The following ERCC3 variants were observed in gnomAD, a reference collection of about 807,000 sequenced individuals.
ERCC3 encodes the protein general transcription and DNA repair factor IIH helicase/translocase subunit XPB.
ERCC3 carries 66 observed loss-of-function variants against 94.2 expected under a neutral mutation model. The ratio of observed to expected loss-of-function variants is 0.70; its 90% CI spans 0.57 to 0.86. ERCC3 has a LOEUF of 0.86. Ranked by LOEUF, ERCC3 falls within the 40% of genes least tolerant of loss-of-function variation. The pLI, the probability that ERCC3 is intolerant of heterozygous loss-of-function variation, is 0.00. For synonymous variants in ERCC3, 349 were observed against 369.1 expected (o/e 0.95, Z 0.63); for missense variants, 829 against 987.1 (o/e 0.84, Z 2.15).
rs764135576 is a variant in ERCC3 at position 127,289,713 on chromosome 2, T to C, written c.633A>G (p.Thr211=). 2.5e-6 allele frequency: 4 copies of C among 1,614,160 alleles called. No individual in the cohort carries two copies. Among genetic ancestry groups the C allele is most frequent in the East Asian group, 4.5e-5 (2 of 44,884 alleles). Residue 211 remains threonine (T), a synonymous_variant, in exon 5 of 15, where the codon ACA becomes ACG. Coordinates refer to ENST00000285398, the MANE Select transcript of ERCC3 (RefSeq NM_000122.2). ...CGGCAGATTTGCTTGTGAAAGTCTCTGTGATGAGCTCAGTGGCCTCCCCTT... is the reference window on the plus strand; with the variant it reads ...CGGCAGATTTGCTTGTGAAAGTCTCCGTGATGAGCTCAGTGGCCTCCCCTT... ...NSEGEATELI[T]ETFTSKSAIS...
intron 7 of ERCC3, 120 bp from the exon 8 acceptor site, chr2:127,287,137 G>A: frequency 1.3e-6 from 1 of 751,388 alleles, no homozygotes; most frequent in Non-Finnish European, 2.3e-6. Flanking sequence ...CCACATAGCT[G>A]ACATCTGAGC....
At chr2:127,276,024 G>A (rs1036191653) in intron 10 of ERCC3, among the ~76,000 whole-genome samples, 3 of 152,252 alleles carry the variant, frequency 2.0e-5, no homozygotes, top group East Asian at 1.9e-4. Flanking sequence ...AGTTGGGTCC[G>A]GCCGGCAGCA....
Position 127,280,025 on chromosome 2 carries a change from C to T in ERCC3, c.1527+422G>A, listed in dbSNP as rs763049989. Among the ~76,000 whole-genome samples, 1 of 152,122 alleles carries T rather than the reference C, an allele frequency of 6.6e-6. No individual in the cohort carries two copies. The highest frequency in any genetic ancestry group is 1.5e-5 in the Non-Finnish European group (1 of 68,026). ...ACGAGTCAGCACTGCTACTGAGTAC[C>T]GCCACCTCTTCACACACTTCCCAGC... On this transcript the variant is annotated intron_variant, in intron 9 of 14. Transcript: ENST00000285398. The surrounding 1 kb of genome is among the most constrained non-coding windows in gnomAD (Gnocchi z 6.3).
At position 127,257,863 on chromosome 2, in the gene ERCC3, C is replaced by T; in HGVS notation, c.2218-136G>A. The stretch of plus-strand genomic sequence containing the variant: ...CATTTTTAATAATGTTTACAGATCG[C>T]TTACTGTCTCAGGCATTGTTCTAAG... On this transcript the variant is annotated intron_variant, in intron 14 of 14. Coordinates refer to ENST00000285398, the MANE Select transcript of ERCC3 (RefSeq NM_000122.2). This position sits in a 1 kb window ranked among gnomAD's most constrained non-coding sequence, Gnocchi z 5.4. The T allele has an allele frequency of 9.9e-7, 1 of 1,014,440 alleles. No homozygotes were observed. The highest frequency in any genetic ancestry group is 1.5e-6 in the Non-Finnish European group (1 of 672,266). The allele number at this position is 1,014,440 out of a possible 1,614,324, so 62.8% of individuals were successfully genotyped here. A position where few individuals can be genotyped will look rare whatever the true frequency, so the allele number is the denominator to read the frequency against.
chr2:127,294,129 C>T lies in ERCC3; in HGVS notation c.-48G>A, dbSNP rs551771484. ...AGATGACCCCGCTCCCACAGGCCCG[C>T]CGCGGCATCCGCTCTGGGGGGACTT... On this transcript the variant is annotated 5_prime_UTR_variant, in exon 1 of 15. Transcript: ENST00000285398. 1 of 1,593,680 alleles carries T rather than the reference C, an allele frequency of 6.3e-7. No homozygotes were observed. Among genetic ancestry groups the T allele is most frequent in the Non-Finnish European group, 8.5e-7 (1 of 1,173,256 alleles).
rs545297258 is a variant in ERCC3, at chr2:127,257,458, C to G, written c.*138G>C. The G allele has an allele frequency of 5.5e-5, 58 of 1,062,118 alleles. 1 individual carries two copies. Among genetic ancestry groups the G allele is most frequent in the Middle Eastern group, 3.0e-4 (1 of 3,338 alleles). 65.8% of individuals were successfully genotyped at this position (1,062,118 alleles called of 1,614,324 possible). A position where few individuals can be genotyped will look rare whatever the true frequency, so the allele number is the denominator to read the frequency against. The stretch of plus-strand genomic sequence containing the variant: ...TGACCTATGAAGGCACAGCCAAGCC[C>G]TTGATGCATCTTCCTCAGCACAATT... On this transcript the variant is annotated 3_prime_UTR_variant, in exon 15 of 15. Coordinates refer to ENST00000285398, the MANE Select transcript of ERCC3 (RefSeq NM_000122.2). The surrounding 1 kb of genome is among the most constrained non-coding windows in gnomAD (Gnocchi z 5.4).
At chr2:127,262,093 A>T (rs534325738) in intron 12 of ERCC3, 1 of 152,770 alleles carries the variant, frequency 6.5e-6, no homozygotes, top group African/African-American at 2.4e-5. Flanking sequence ...CCATCAACAG[A>T]TGTGTGGATA....
At chr2:127,265,419 TTA>T (rs1684323121) in intron 12 of ERCC3, among the ~76,000 whole-genome samples, 1 of 152,194 alleles carries the variant, frequency 6.6e-6, no homozygotes, top group South Asian at 2.1e-4. Context: ...TCCATCAATC[TTA>T]TTTATCTTTT....
intron 8 of ERCC3, among the ~76,000 whole-genome samples, 156 bp downstream of exon 8, chr2:127,286,545 CAA>C (rs111463049): frequency 1.2e-4 from 15 of 125,694 alleles, no homozygotes; most frequent in South Asian, 5.0e-4. Context: ...GACTCCCTCT[CAA>C]AAAAAAAAAA....
At chr2:127,276,776 A>G (rs1238717717) in intron 10 of ERCC3, among the ~76,000 whole-genome samples, 1 of 151,250 alleles carries the variant, frequency 6.6e-6, no homozygotes, top group African/African-American at 2.4e-5. Context: ...TGAAAGAAAA[A>G]CATTAAGAAT....
At chr2:127,263,199 G>T (rs1459992545) in intron 12 of ERCC3, among the ~76,000 whole-genome samples, 3 of 152,168 alleles carry the variant, frequency 2.0e-5, no homozygotes, top group African/African-American at 7.2e-5. Flanking sequence ...TGTGAAAAAT[G>T]ATGTTGGCAA....
rs537721480 is a variant in ERCC3 at position 127,264,710 on chromosome 2, G to A, written c.1946-3364C>T. Among the ~76,000 whole-genome samples, 2 of 152,192 alleles carry A rather than the reference G, an allele frequency of 1.3e-5. No homozygotes were observed. The highest frequency in any genetic ancestry group is 1.9e-4 in the East Asian group (1 of 5,186). ...AATACTAGCCTGTAGTTTTTTCATC[G>A]TGTCTTTGCCAGATTTTGGTATCAG... On this transcript the variant is annotated intron_variant, in intron 12 of 14. Coordinates refer to ENST00000285398, the MANE Select transcript of ERCC3 (RefSeq NM_000122.2). The surrounding 1 kb of genome is among the most constrained non-coding windows in gnomAD (Gnocchi z 4.4).
intron 3 of ERCC3, chr2:127,290,590 A>G (rs1685236567): frequency 2.3e-6 from 1 of 432,392 alleles, no homozygotes; most frequent in Non-Finnish European, 4.3e-6. Flanking sequence ...AGAAGACCAC[A>G]CCAGTATTAC....
chr2:127,275,786 G>A (rs1036222662), intron 10 of ERCC3, among the ~76,000 whole-genome samples: 6 of 152,242 alleles, frequency 3.9e-5, no homozygotes, highest in African/African-American at 1.4e-4. Flanking sequence ...GCAGATGAGA[G>A]AAGTGGGTAA....
Position 127,271,511 on chromosome 2 carries a change from C to T in ERCC3, c.1828-58G>A. The T allele has an allele frequency of 8.8e-7, 1 of 1,134,714 alleles. No homozygotes were observed. The highest frequency in any genetic ancestry group is 1.3e-6 in the Non-Finnish European group (1 of 744,468). The allele number at this position is 1,134,714 out of a possible 1,614,324, so 70.3% of individuals were successfully genotyped here. On this transcript the variant is annotated intron_variant, in intron 11 of 14. Transcript: ENST00000285398. The surrounding 1 kb of genome is among the most constrained non-coding windows in gnomAD (Gnocchi z 5.0). ...GAGGAAAAAAAAAAAGTCAACTGAT[C>T]CAGAATTTAAATAAGTTCTGTAGAT...
chr2:127,286,593 A>T, intron 8 of ERCC3, 110 bp downstream of exon 8: 1 of 1,028,084 alleles, frequency 9.7e-7, no homozygotes, highest in Non-Finnish European at 1.5e-6. Context: ...CAAGCCAGCA[A>T]GTCTTTCTAG....
rs1241725785 is a variant in ERCC3, at chr2:127,274,286, G to A, written c.1731-1325C>T. ...GCCAAGATCACACCACTTCACTCCA[G>A]CCTGGGCAACAGAGTGAGACTCCGT... On this transcript the variant is annotated intron_variant, in intron 10 of 14. Transcript: ENST00000285398. This position sits in a 1 kb window ranked among gnomAD's most constrained non-coding sequence, Gnocchi z 4.0. Among the ~76,000 whole-genome samples the A allele has an allele frequency of 6.7e-6, 1 of 149,934 alleles. No homozygotes were observed. The highest frequency in any genetic ancestry group is 2.0e-4 in the East Asian group (1 of 5,098).
At chr2:127,283,072 A>G (rs1442870018) in intron 8 of ERCC3, among the ~76,000 whole-genome samples, 1 of 137,564 alleles carries the variant, frequency 7.3e-6, no homozygotes, top group African/African-American at 2.8e-5. Context: ...AGCAGACCCA[A>G]TACCCACCCT....
At position 127,291,060 on chromosome 2, in the gene ERCC3, C is replaced by A. The variant is rs553096259; in HGVS notation, c.472-787G>T. 6.6e-6 allele frequency among the ~76,000 whole-genome samples: 1 copy of A among 151,850 alleles called. No homozygotes were observed. Among genetic ancestry groups the A allele is most frequent in the South Asian group, 2.1e-4 (1 of 4,800 alleles). Reference sequence around the variant, plus strand: ...TCATGCCACTGCTATCCAGCCTGGGCGACAGAGCAAGACTCCGTCTCAAAA... The same window carrying A: ...TCATGCCACTGCTATCCAGCCTGGGAGACAGAGCAAGACTCCGTCTCAAAA... On this transcript the variant is annotated intron_variant, in intron 3 of 14. Coordinates refer to ENST00000285398, the MANE Select transcript of ERCC3 (RefSeq NM_000122.2). The surrounding 1 kb of genome is among the most constrained non-coding windows in gnomAD (Gnocchi z 4.9).
Sources: allele counts gnomAD v4.1 joint callset (sites outside exome capture counted in the v4.1 genomes callset), GRCh38; gene constraint gnomAD v4.1.1; non-coding constraint Gnocchi (gnomAD v3.1); transcripts MANE v1.5; gene names NCBI Gene and HGNC (gene_info 2026-07-23, HGNC 2026-07-21).